HEMK2: variants seen among roughly 807,000 people sequenced by gnomAD.
HEMK2 encodes the protein HemK methyltransferase 2, ETF1 glutamine and histone H4 lysine.
the HEMK2 span, among the ~76,000 whole-genome samples, chr21:28,843,837 T>C: frequency 2.0e-5 from 3 of 152,160 alleles, no homozygotes; most frequent in Non-Finnish European, 4.4e-5. Context: ...GGCATCCAGC[T>C]TCACATAGTA....
At chr21:28,878,212 G>C in the HEMK2 span, 1 of 1,585,526 alleles carries the variant, frequency 6.3e-7, no homozygotes, top group Non-Finnish European at 8.6e-7. Context: ...TTCTTTAATG[G>C]TAACTAAATA....
the HEMK2 span, among the ~76,000 whole-genome samples, chr21:28,647,379 G>A: frequency 1.4e-5 from 2 of 146,850 alleles, no homozygotes; most frequent in South Asian, 2.2e-4. Flanking sequence ...ATGGTGGCAC[G>A]TGCCTGTAGT....
chr21:28,677,947 A>C, the HEMK2 span, among the ~76,000 whole-genome samples: 1 of 152,254 alleles, frequency 6.6e-6, no homozygotes, highest in Admixed American at 6.5e-5. Context: ...AAGATGGGGA[A>C]AAAACAGCAG....
At chr21:28,654,528 A>G in the HEMK2 span, among the ~76,000 whole-genome samples, 2 of 152,274 alleles carry the variant, frequency 1.3e-5, no homozygotes, top group Non-Finnish European at 2.9e-5. Flanking sequence ...CAAGGAAAGC[A>G]TAAGAATTGT....
At chr21:28,767,142 T>C in the HEMK2 span, among the ~76,000 whole-genome samples, 1 of 152,034 alleles carries the variant, frequency 6.6e-6, no homozygotes, top group Admixed American at 6.6e-5. Context: ...CCTGCACAAG[T>C]GCTCCTCTCT....
the HEMK2 span, among the ~76,000 whole-genome samples, chr21:28,631,652 G>C: frequency 6.6e-6 from 1 of 152,058 alleles, no homozygotes; most frequent in Non-Finnish European, 1.5e-5. Context: ...GCATTTGACA[G>C]ACTTTTTATG....
At chr21:28,596,143 A>C in the HEMK2 span, among the ~76,000 whole-genome samples, 3 of 151,954 alleles carry the variant, frequency 2.0e-5, no homozygotes, top group Non-Finnish European at 4.4e-5. Flanking sequence ...CAGCCTCCCG[A>C]GTAGCTGGGA....
At chr21:28,816,202 T>C in the HEMK2 span, among the ~76,000 whole-genome samples, 1 of 152,230 alleles carries the variant, frequency 6.6e-6, no homozygotes, top group South Asian at 2.1e-4. Flanking sequence ...CCACCCAGCC[T>C]GTGATACTTT....
At chr21:28,721,318 T>C in the HEMK2 span, among the ~76,000 whole-genome samples, 1,185 of 152,182 alleles carry the variant, frequency 7.8e-3, 13 homozygotes, top group African/African-American at 0.027. Flanking sequence ...TTTTACCATG[T>C]TTCCCAGGCT....
At chr21:28,733,193 G>A in the HEMK2 span, among the ~76,000 whole-genome samples, 3 of 152,100 alleles carry the variant, frequency 2.0e-5, no homozygotes, top group Admixed American at 6.5e-5. Flanking sequence ...GCAGGAGAAT[G>A]GTGTGAACCC....
the HEMK2 span, chr21:28,873,304 T>C: frequency 6.6e-6 from 1 of 152,196 alleles, no homozygotes; most frequent in Non-Finnish European, 1.5e-5. Flanking sequence ...ATAAAATCAA[T>C]GCATCTTATG....
the HEMK2 span, among the ~76,000 whole-genome samples, chr21:28,682,658 T>C: frequency 6.6e-6 from 1 of 152,142 alleles, no homozygotes; most frequent in Non-Finnish European, 1.5e-5. Context: ...AAGCCAAATG[T>C]CCAACAATGA....
the HEMK2 span, among the ~76,000 whole-genome samples, chr21:28,800,050 C>T: frequency 1.3e-4 from 20 of 152,278 alleles, no homozygotes; most frequent in African/African-American, 4.8e-4. Flanking sequence ...GTTTTATGCA[C>T]GTGATGCTGC....
chr21:28,581,810 G>C, the HEMK2 span, among the ~76,000 whole-genome samples: 1 of 152,152 alleles, frequency 6.6e-6, no homozygotes, highest in Non-Finnish European at 1.5e-5. Context: ...TTGTTATCCA[G>C]CCAAATTAAA....
At chr21:28,838,126 G>A in the HEMK2 span, among the ~76,000 whole-genome samples, 4 of 152,086 alleles carry the variant, frequency 2.6e-5, no homozygotes, top group Admixed American at 1.3e-4. Context: ...AGAAAAATTG[G>A]TACCAATCCT....
the HEMK2 span, among the ~76,000 whole-genome samples, chr21:28,614,521 T>C: frequency 6.6e-6 from 1 of 152,138 alleles, no homozygotes; most frequent in Non-Finnish European, 1.5e-5. Context: ...TATGATCAAA[T>C]AGTGTAAGCC....
At chr21:28,809,790 A>G in the HEMK2 span, among the ~76,000 whole-genome samples, 1 of 152,186 alleles carries the variant, frequency 6.6e-6, no homozygotes, top group Non-Finnish European at 1.5e-5. Context: ...CAATAAATAT[A>G]TTAATTACAG....
At chr21:28,846,658 CA>C in the HEMK2 span, among the ~76,000 whole-genome samples, 1 of 151,832 alleles carries the variant, frequency 6.6e-6, no homozygotes, top group East Asian at 1.9e-4. Context: ...ATTTTAGGTT[CA>C]GGGGTACATG....
chr21:28,676,869 C>T, the HEMK2 span, among the ~76,000 whole-genome samples: 13 of 152,116 alleles, frequency 8.5e-5, no homozygotes, highest in Non-Finnish European at 1.8e-4. Flanking sequence ...GGAGAGAGTC[C>T]TACAACAATA....
Sources: allele counts gnomAD v4.1 joint callset (sites outside exome capture counted in the v4.1 genomes callset), GRCh38; gene constraint gnomAD v4.1.1; transcripts MANE v1.5; gene names NCBI Gene and HGNC (gene_info 2026-07-23, HGNC 2026-07-21).